The following CYRIA variants were observed in gnomAD, a reference collection of about 807,000 sequenced individuals.
CYRIA encodes the protein CYFIP related Rac1 interactor A, also known as CYFIP-related Rac1 interactor A.
CYRIA carries 15 observed loss-of-function variants against 43.9 expected under a neutral mutation model. The ratio of observed to expected loss-of-function variants is 0.34; its 90% CI spans 0.23 to 0.53. The LOEUF (loss-of-function observed/expected upper bound fraction) is 0.53. Among genes scored for constraint, CYRIA ranks in the 20% least tolerant of loss-of-function variants. The pLI is 0.94. For missense variants in CYRIA, 236 were observed against 394.2 expected (o/e 0.60, Z 3.40); for synonymous variants, 117 against 136.0 (o/e 0.86, Z 0.97).
At chr2:16,604,475 G>A (rs1668319304) in intron 2 of CYRIA, among the ~76,000 whole-genome samples, 1 of 152,202 alleles carries the variant, frequency 6.6e-6, no homozygotes, top group Admixed American at 6.5e-5. Context: ...CTAGTATTCA[G>A]ATGACTCAGA....
At chr2:16,658,302 T>C (rs1670168021) in intron 1 of CYRIA, among the ~76,000 whole-genome samples, 1 of 152,212 alleles carries the variant, frequency 6.6e-6, no homozygotes, top group African/African-American at 2.4e-5. Flanking sequence ...TTTCACGTCA[T>C]TTCCCACCCA....
Position 16,564,025 on chromosome 2 carries a change from T to C in CYRIA, c.262A>G (p.Arg88Gly). ...GAAAACTCGTAAAATCTCTTTAGCC[T>C]CACAACAAGAGGGCACACCGCATTC... ...AWNAVCPLVV[R>G]LKRFYEFSIR... Residue 88 changes from arginine (R) to glycine (G), a missense_variant, in exon 5 of 12, where the codon AGG (arginine) becomes GGG (glycine). By Grantham distance (125) the Arg-to-Gly change is moderately radical. Coordinates refer to ENST00000381323, the MANE Select transcript of CYRIA (RefSeq NM_030797.4). 1 of 1,613,520 alleles carries C rather than the reference T, an allele frequency of 6.2e-7. No individual in the cohort carries two copies. Among genetic ancestry groups the C allele is most frequent in the Non-Finnish European group, 8.5e-7 (1 of 1,179,686 alleles).
At chr2:16,638,359 G>A (rs1437572147) in intron 1 of CYRIA, among the ~76,000 whole-genome samples, 1 of 152,224 alleles carries the variant, frequency 6.6e-6, no homozygotes, top group African/African-American at 2.4e-5. Context: ...AGGCTGGTGT[G>A]GAAGCATCCG....
intron 3 of CYRIA, among the ~76,000 whole-genome samples, chr2:16,573,647 C>T (rs889076641): frequency 6.6e-6 from 1 of 152,164 alleles, no homozygotes; most frequent in Non-Finnish European, 1.5e-5. Context: ...CTTTCCCATG[C>T]TATTCTTGTG....
intron 4 of CYRIA, 121 bp downstream of exon 4, chr2:16,565,525 C>T: frequency 8.3e-7 from 1 of 1,211,206 alleles, no homozygotes; most frequent in Non-Finnish European, 1.1e-6. Context: ...CCTCCTTGTT[C>T]TTCCTGGTAC....
chr2:16,568,228 A>G (rs4422158), intron 3 of CYRIA, among the ~76,000 whole-genome samples: 1 of 49,894 alleles, frequency 2.0e-5, no homozygotes, highest in Non-Finnish European at 3.8e-5. Context: ...TCAAAATCAG[A>G]AAAAAAAAAA....
chr2:16,646,567 G>A (rs1207537047), intron 1 of CYRIA, among the ~76,000 whole-genome samples: 3 of 152,144 alleles, frequency 2.0e-5, no homozygotes, highest in African/African-American at 4.8e-5. Context: ...TCCTTGTTGC[G>A]ACTTGACATT....
rs540510278 is a variant in CYRIA at position 16,600,593 on chromosome 2, T to G, written c.-10-12464A>C. Among the ~76,000 whole-genome samples the G allele has an allele frequency of 3.3e-5, 5 of 152,346 alleles. No individual in the cohort carries two copies. In the South Asian group the frequency reaches 1.0e-3, roughly 32 times the overall value. ...ATCTATCTAGAAGCACGTATCACAT[T>G]CCTGATAAATCATAAGTACTCAAAT... On this transcript the variant is annotated intron_variant, in intron 2 of 11. Transcript: ENST00000381323.
intron 4 of CYRIA, 119 bp downstream of exon 4, chr2:16,565,527 T>A: frequency 8.1e-7 from 1 of 1,234,922 alleles, no homozygotes. Context: ...TCCTTGTTCT[T>A]CCTGGTACTC....
rs151310495 is a variant in CYRIA at position 16,629,584 on chromosome 2, C to T, written c.-166-5565G>A. ...CTCGAGGCCAGGGATTTTCAGAGGC[C>T]CCAGAGAAGCCTGCCAGCTCCTAGC... On this transcript the variant is annotated intron_variant, in intron 1 of 11. Transcript: ENST00000381323. Among the ~76,000 whole-genome samples the T allele has an allele frequency of 1.7e-3, 258 of 152,244 alleles. 1 individual carries two copies. Among genetic ancestry groups the T allele is most frequent in the African/African-American group, 5.6e-3 (232 of 41,550 alleles).
intron 1 of CYRIA, among the ~76,000 whole-genome samples, chr2:16,626,476 T>C (rs1467970881): frequency 6.6e-6 from 1 of 152,182 alleles, no homozygotes; most frequent in Non-Finnish European, 1.5e-5. Flanking sequence ...ACCTTACAGA[T>C]GCAACCACAA....
At chr2:16,555,182 C>A (rs1435406296) in intron 10 of CYRIA, 43 bp from the exon 11 acceptor site, 1 of 1,516,560 alleles carries the variant, frequency 6.6e-7, no homozygotes, top group African/African-American at 1.4e-5. Flanking sequence ...CTTAGTAATA[C>A]TGTCTATGCC....
At chr2:16,581,866 G>A (rs1667562169) in intron 3 of CYRIA, among the ~76,000 whole-genome samples, 2 of 152,008 alleles carry the variant, frequency 1.3e-5, no homozygotes, top group Admixed American at 6.6e-5. Context: ...ATAACAAAAA[G>A]GAAATAAACT....
chr2:16,662,842 C>T (rs1424558787), intron 1 of CYRIA, among the ~76,000 whole-genome samples: 3 of 152,208 alleles, frequency 2.0e-5, no homozygotes, highest in African/African-American at 4.8e-5. Context: ...CATCAGCCTG[C>T]CCTTCCTTTT....
intron 3 of CYRIA, 66 bp downstream of exon 3, chr2:16,587,984 A>T: frequency 1.0e-6 from 1 of 1,001,620 alleles, no homozygotes. Context: ...TTATGTTATA[A>T]CTTCCTTATC....
In CYRIA at chr2:16,650,855, G is replaced by A. The variant is rs1446982801; in HGVS notation, c.-167+14925C>T. On this transcript the variant is annotated intron_variant, in intron 1 of 11. Coordinates refer to ENST00000381323, the MANE Select transcript of CYRIA (RefSeq NM_030797.4). This position sits in a 1 kb window ranked among gnomAD's most constrained non-coding sequence, Gnocchi z 4.1. ...GACAGAGGCTCACAGGCTTTGACATGAGTGACTAATTCAATTTTTTGCTCC... is the reference window on the plus strand; with the variant it reads ...GACAGAGGCTCACAGGCTTTGACATAAGTGACTAATTCAATTTTTTGCTCC... 6.6e-6 allele frequency among the ~76,000 whole-genome samples: 1 copy of A among 152,186 alleles called. No individual in the cohort carries two copies. The highest frequency in any genetic ancestry group is 1.9e-4 in the East Asian group (1 of 5,196).
intron 1 of CYRIA, among the ~76,000 whole-genome samples, chr2:16,654,818 AAATTTGGG>A (rs1363443397): frequency 3.9e-5 from 6 of 152,238 alleles, no homozygotes; most frequent in Admixed American, 2.6e-4. Context: ...ACATAATTAA[AAATTTGGG>A]AATACTATGA....
intron 1 of CYRIA, among the ~76,000 whole-genome samples, chr2:16,635,623 C>G (rs1412812919): frequency 6.6e-6 from 1 of 152,178 alleles, no homozygotes; most frequent in African/African-American, 2.4e-5. Context: ...TGTCTATTCA[C>G]CTCCTCTCAC....
chr2:16,564,898 A>T (rs1008301739), intron 4 of CYRIA, among the ~76,000 whole-genome samples: 2 of 152,214 alleles, frequency 1.3e-5, no homozygotes, highest in Non-Finnish European at 2.9e-5. Context: ...TGAAAGCAAG[A>T]TGGTTTTGGC....
Sources: gnomAD v4.1 joint callset for allele counts (sites outside exome capture counted in the v4.1 genomes callset) on GRCh38, gnomAD v4.1.1 for gene constraint, Gnocchi (gnomAD v3.1) non-coding constraint, MANE v1.5 for transcripts, NCBI Gene and HGNC (gene_info 2026-07-23, HGNC 2026-07-21) for gene names.